The following GRK7 variants were observed in gnomAD, a reference collection of about 807,000 sequenced individuals.
The protein encoded by GRK7 is rhodopsin kinase GRK7.
In GRK7, 24 loss-of-function variants were observed where a neutral mutation model predicts 34.1. The ratio of observed to expected loss-of-function variants is 0.70; its 90% CI spans 0.51 to 0.99. The LOEUF (loss-of-function observed/expected upper bound fraction) is 0.99. GRK7 is among the 50% of genes least tolerant of loss of function. The pLI is 0.00. For synonymous variants in GRK7, 256 were observed against 279.4 expected (o/e 0.92, Z 0.84); for missense variants, 644 against 707.3 (o/e 0.91, Z 1.02).
rs1710983403 is a variant in GRK7 at position 141,802,771 on chromosome 3, G to A, written c.1051-4874G>A. Reference sequence around the variant, plus strand: ...TGACATGTCGGCAATATAGCTCTTCGGATAATCCCTGAGCAATGGAAACGG... The same window carrying A: ...TGACATGTCGGCAATATAGCTCTTCAGATAATCCCTGAGCAATGGAAACGG... On this transcript the variant is annotated intron_variant, in intron 4 of 5. Coordinates refer to ENST00000682958, the MANE Select transcript of GRK7 (RefSeq NM_139209.3). Among the ~76,000 whole-genome samples, 4 of 152,148 alleles carry A rather than the reference G, an allele frequency of 2.6e-5. No individual in the cohort carries two copies. The South Asian group carries it at 6.2e-4, about 24-fold the overall frequency.
rs552090044 is a variant in GRK7 at position 141,778,178 on chromosome 3, G to A, written c.-107G>A. ...CCACGGGTCCCACCCACAGGCCACA[G>A]GACTCACTGTAAATCCCTTGGACGT... On this transcript the variant is annotated 5_prime_UTR_variant, in exon 3 of 6. Coordinates refer to ENST00000682958, the MANE Select transcript of GRK7 (RefSeq NM_139209.3). The surrounding 1 kb of genome is among the most constrained non-coding windows in gnomAD (Gnocchi z 4.1). The A allele has an allele frequency of 2.3e-3, 3,147 of 1,394,244 alleles. 18 individuals carry two copies. Among genetic ancestry groups the A allele is most frequent in the South Asian group, 9.4e-3 (663 of 70,756 alleles). The allele number at this position is 1,394,244 out of a possible 1,614,324, so 86.4% of individuals were successfully genotyped here. A position where few individuals can be genotyped will look rare whatever the true frequency, so the allele number is the denominator to read the frequency against.
At chr3:141,816,153 G>T (rs1311611775) in intron 5 of GRK7, among the ~76,000 whole-genome samples, 2 of 152,214 alleles carry the variant, frequency 1.3e-5, no homozygotes, top group Middle Eastern at 3.4e-3. Flanking sequence ...TCATAGTCTT[G>T]AGTACTAAAT....
At chr3:141,791,401 A>G (rs2084723562) in intron 4 of GRK7, among the ~76,000 whole-genome samples, 1 of 152,106 alleles carries the variant, frequency 6.6e-6, no homozygotes, top group African/African-American at 2.4e-5. Flanking sequence ...ATCTAGCTTA[A>G]GAAAGACATA....
intron 5 of GRK7, among the ~76,000 whole-genome samples, chr3:141,810,998 G>A (rs1443383067): frequency 2.6e-5 from 4 of 152,072 alleles, no homozygotes; most frequent in Non-Finnish European, 1.5e-5. Flanking sequence ...CCACTTGGAT[G>A]CCTCAATTCC....
intron 4 of GRK7, among the ~76,000 whole-genome samples, chr3:141,802,501 C>T (rs1315150144): frequency 1.3e-5 from 2 of 152,082 alleles, no homozygotes; most frequent in African/African-American, 4.8e-5. Flanking sequence ...ATGAAAAAAG[C>T]CCCACATCAA....
At position 141,817,116 on chromosome 3, in the gene GRK7, T is replaced by C; in HGVS notation, c.*66T>C. The C allele has an allele frequency of 8.2e-7, 1 of 1,222,456 alleles. No homozygotes were observed. Among genetic ancestry groups the C allele is most frequent in the African/African-American group, 1.5e-5 (1 of 66,428 alleles). The allele number at this position is 1,222,456 out of a possible 1,614,324, so 75.7% of individuals were successfully genotyped here. On this transcript the variant is annotated 3_prime_UTR_variant, in exon 6 of 6. Transcript: ENST00000682958. Reference sequence around the variant, plus strand: ...ACATAATCCTCGAATGTTCCACACGTGGAAATCTGTGGAATGAGGGCTAAT... The same window carrying C: ...ACATAATCCTCGAATGTTCCACACGCGGAAATCTGTGGAATGAGGGCTAAT...
chr3:141,763,205 G>T (rs996488266), upstream of GRK7, among the ~76,000 whole-genome samples: 12 of 152,280 alleles, frequency 7.9e-5, no homozygotes, highest in Middle Eastern at 6.8e-3. Context: ...CATACCTCAT[G>T]CTTCAAATAG....
At chr3:141,777,161 C>T (rs1226480217) in intron 2 of GRK7, among the ~76,000 whole-genome samples, 7 of 151,974 alleles carry the variant, frequency 4.6e-5, no homozygotes, top group Non-Finnish European at 1.0e-4. Context: ...GGAACAGTCG[C>T]GACCGCATGC....
At chr3:141,803,162 C>T (rs1398530980) in intron 4 of GRK7, among the ~76,000 whole-genome samples, 1 of 151,808 alleles carries the variant, frequency 6.6e-6, no homozygotes, top group Non-Finnish European at 1.5e-5. Context: ...CGCAGTGGCT[C>T]ACGCCTGTAA....
rs1227821313 is a variant in GRK7, at chr3:141,764,658, C to T, written c.-1295C>T. 6.6e-6 allele frequency among the ~76,000 whole-genome samples: 1 copy of T among 152,130 alleles called. No individual in the cohort carries two copies. Among genetic ancestry groups the T allele is most frequent in the Admixed American group, 6.5e-5 (1 of 15,276 alleles). ...CTGTGGCTCTAAAGGCCATTTATAT[C>T]TGGGGTGACTCCCAGTGAGTATCTC... On this transcript the variant is annotated 5_prime_UTR_variant, in exon 1 of 6. Transcript: ENST00000682958.
In GRK7 at chr3:141,817,285, G is replaced by A. The variant is rs1490642540; in HGVS notation, c.*235G>A. 2.4e-5 allele frequency: 10 copies of A among 417,812 alleles called. No homozygotes were observed. Among genetic ancestry groups the A allele is most frequent in the Admixed American group, 4.0e-5 (1 of 25,122 alleles). 25.9% of individuals were successfully genotyped at this position (417,812 alleles called of 1,614,324 possible). On this transcript the variant is annotated 3_prime_UTR_variant, in exon 6 of 6. Transcript: ENST00000682958. ...TGAGGGCAGGGAAAAGGAACACTCAGGTTTATTTTGATAAACTGAAAGCAT... is the reference window on the plus strand; with the variant it reads ...TGAGGGCAGGGAAAAGGAACACTCAAGTTTATTTTGATAAACTGAAAGCAT...
intron 4 of GRK7, among the ~76,000 whole-genome samples, chr3:141,783,532 A>C (rs565506615): frequency 6.6e-6 from 1 of 152,330 alleles, no homozygotes; most frequent in South Asian, 2.1e-4. Flanking sequence ...CAAAGTGTCA[A>C]GTGTTGCAAA....
chr3:141,773,868 A>C (rs1174230928), intron 1 of GRK7, among the ~76,000 whole-genome samples: 2 of 152,182 alleles, frequency 1.3e-5, no homozygotes. Context: ...TAACTTGCTG[A>C]AAGTCACACA....
chr3:141,767,638 C>T (rs2084595836), intron 1 of GRK7, among the ~76,000 whole-genome samples: 3 of 152,076 alleles, frequency 2.0e-5, no homozygotes, highest in Non-Finnish European at 2.9e-5. Context: ...TGACCTCAGG[C>T]GATCCATCCA....
chr3:141,777,926 AACG>A (rs1230034528), intron 2 of GRK7, among the ~76,000 whole-genome samples: 1 of 152,174 alleles, frequency 6.6e-6, no homozygotes, highest in African/African-American at 2.4e-5. Context: ...ATTAGATGAC[AACG>A]GTATGATCAC....
chr3:141,782,726 A>C (rs1196162478), intron 4 of GRK7, among the ~76,000 whole-genome samples: 4 of 151,958 alleles, frequency 2.6e-5, no homozygotes, highest in Non-Finnish European at 5.9e-5. Flanking sequence ...AATGACGTCA[A>C]CCCAGGAGGC....
In GRK7 at chr3:141,779,043, C is replaced by T. The variant is rs576801620; in HGVS notation, c.612+147C>T. ...TTTCTAGCCCCGTCTCCCCAGCCCC[C>T]TTCTTTGTGTGTGCCATGGTGTGAA... On this transcript the variant is annotated intron_variant, in intron 3 of 5. Coordinates refer to ENST00000682958, the MANE Select transcript of GRK7 (RefSeq NM_139209.3). 1.2e-5 allele frequency: 10 copies of T among 800,610 alleles called. No homozygotes were observed. In the East Asian group the frequency reaches 2.1e-4, roughly 17 times the overall value. The allele number at this position is 800,610 out of a possible 1,614,324, so 49.6% of individuals were successfully genotyped here.
At chr3:141,804,926 TACTC>T (rs1711011404) in intron 4 of GRK7, among the ~76,000 whole-genome samples, 1 of 148,458 alleles carries the variant, frequency 6.7e-6, no homozygotes. Context: ...CACACATGCA[TACTC>T]ACACATACAC....
intron 1 of GRK7, among the ~76,000 whole-genome samples, chr3:141,767,036 A>C (rs1345998513): frequency 4.6e-5 from 7 of 152,186 alleles, no homozygotes; most frequent in African/African-American, 1.7e-4. Flanking sequence ...AAACAATTAG[A>C]GTCTTGTTTA....
Sources: allele counts gnomAD v4.1 joint callset (sites outside exome capture counted in the v4.1 genomes callset), GRCh38; gene constraint gnomAD v4.1.1; non-coding constraint Gnocchi (gnomAD v3.1); transcripts MANE v1.5; gene names NCBI Gene and HGNC (gene_info 2026-07-23, HGNC 2026-07-21).